ENOX1: variants seen among roughly 807,000 people sequenced by gnomAD.
ENOX1 encodes the protein ecto-NOX disulfide-thiol exchanger 1.
Under a neutral mutation model 82.5 loss-of-function variants are expected in ENOX1, and 42 were observed. That is an observed-to-expected ratio of 0.51 (90% CI 0.40 to 0.66). ENOX1 has a LOEUF of 0.66. Ranked by LOEUF, ENOX1 falls within the 30% of genes least tolerant of loss-of-function variation. ENOX1 has a pLI of 0.00. For synonymous variants in ENOX1, 271 were observed against 282.2 expected, an observed-to-expected ratio of 0.96 and a Z score of 0.40; for missense variants, 608 against 811.6, an observed-to-expected ratio of 0.75 and a Z score of 3.05.
At chr13:43,427,077 A>G (rs983122777) in intron 3 of ENOX1, among the ~76,000 whole-genome samples, 12 of 152,192 alleles carry the variant, frequency 7.9e-5, no homozygotes, top group Admixed American at 2.0e-4. Context: ...TCAATCTGAG[A>G]GTAAATATCA....
intron 14 of ENOX1, among the ~76,000 whole-genome samples, chr13:43,262,572 G>A (rs755477643): frequency 5.9e-5 from 9 of 152,144 alleles, no homozygotes; most frequent in Non-Finnish European, 1.3e-4. Flanking sequence ...TGTCACCTAC[G>A]TTGGAGTGCA....
chr13:43,471,882 G>T (rs1305422917), intron 3 of ENOX1, among the ~76,000 whole-genome samples: 1 of 151,762 alleles, frequency 6.6e-6, no homozygotes, highest in Non-Finnish European at 1.5e-5. Flanking sequence ...AATGGACAGA[G>T]GGATAGAATG....
At chr13:43,748,846 C>T (rs1418913448) in intron 1 of ENOX1, among the ~76,000 whole-genome samples, 1 of 152,052 alleles carries the variant, frequency 6.6e-6, no homozygotes, top group East Asian at 1.9e-4. Context: ...TTAAAGTATT[C>T]TATAATTAAA....
chr13:43,582,905 G>A (rs886858391), intron 2 of ENOX1, among the ~76,000 whole-genome samples: 2 of 152,062 alleles, frequency 1.3e-5, no homozygotes, highest in South Asian at 2.1e-4. Flanking sequence ...CCTACTTCCA[G>A]AAGAGAGAGA....
chr13:43,369,320 A>C (rs2051060430), intron 5 of ENOX1, among the ~76,000 whole-genome samples: 1 of 152,254 alleles, frequency 6.6e-6, no homozygotes, highest in East Asian at 1.9e-4. Flanking sequence ...TCTGAGGTCC[A>C]GGGTTATCCA....
At chr13:43,610,645 T>A (rs1035631847) in intron 2 of ENOX1, among the ~76,000 whole-genome samples, 1 of 152,296 alleles carries the variant, frequency 6.6e-6, no homozygotes, top group East Asian at 1.9e-4. Context: ...TAGTTATTCA[T>A]ATTCAGGAGG....
chr13:43,512,341 C>G (rs544220594), intron 2 of ENOX1, among the ~76,000 whole-genome samples: 1 of 152,120 alleles, frequency 6.6e-6, no homozygotes, highest in Non-Finnish European at 1.5e-5. Context: ...ATCCTGAGAA[C>G]AAAAGCTGGC....
chr13:43,644,218 T>C (rs2083791545), intron 2 of ENOX1, among the ~76,000 whole-genome samples: 1 of 152,214 alleles, frequency 6.6e-6, no homozygotes, highest in Non-Finnish European at 1.5e-5. Context: ...CTGTGGTCTT[T>C]CATACTTTCA....
At chr13:43,674,085 G>A (rs1464386640) in intron 1 of ENOX1, among the ~76,000 whole-genome samples, 1 of 152,162 alleles carries the variant, frequency 6.6e-6, no homozygotes, top group Non-Finnish European at 1.5e-5. Flanking sequence ...GACCAAACCA[G>A]GAGCAGAGTG....
chr13:43,330,087 G>A (rs1041094198), intron 9 of ENOX1, among the ~76,000 whole-genome samples: 2 of 152,166 alleles, frequency 1.3e-5, no homozygotes, highest in African/African-American at 4.8e-5. Flanking sequence ...CACCAGAGAG[G>A]AAGTCCATGA....
intron 5 of ENOX1, among the ~76,000 whole-genome samples, chr13:43,363,556 T>C (rs1323162): frequency 0.017 from 2,612 of 152,312 alleles, 91 homozygotes; most frequent in African/African-American, 0.059. Flanking sequence ...AAAGAAATAT[T>C]GGCAATGGGA....
chr13:43,678,071 T>C (rs897879752), intron 1 of ENOX1, among the ~76,000 whole-genome samples: 3 of 152,156 alleles, frequency 2.0e-5, no homozygotes, highest in African/African-American at 7.2e-5. Flanking sequence ...GCTATACAAA[T>C]GTGCATACAA....
chr13:43,583,916 C>T (rs996960450), intron 2 of ENOX1, among the ~76,000 whole-genome samples: 2 of 151,486 alleles, frequency 1.3e-5, no homozygotes, highest in East Asian at 1.9e-4. Context: ...AACATTTTGA[C>T]GCACGAGCAC....
At chr13:43,498,003 G>T (rs139405763) in intron 2 of ENOX1, among the ~76,000 whole-genome samples, 1 of 151,866 alleles carries the variant, frequency 6.6e-6, no homozygotes, top group Non-Finnish European at 1.5e-5. Context: ...AGATAAGTTT[G>T]TTTCTTATGG....
chr13:43,308,877 TCA>T (rs2047021204), intron 11 of ENOX1, among the ~76,000 whole-genome samples: 2 of 152,310 alleles, frequency 1.3e-5, no homozygotes, highest in South Asian at 4.1e-4. Context: ...TGTTTATTTC[TCA>T]CAGTCTTATT....
At chr13:43,684,856 C>T (rs1335042722) in intron 1 of ENOX1, among the ~76,000 whole-genome samples, 1 of 151,962 alleles carries the variant, frequency 6.6e-6, no homozygotes, top group Non-Finnish European at 1.5e-5. Flanking sequence ...TCCCTAATTA[C>T]AAAATAGGAA....
intron 7 of ENOX1, 43 bp from the exon 8 acceptor site, chr13:43,356,195 G>A: frequency 6.3e-7 from 1 of 1,588,530 alleles, no homozygotes; most frequent in Non-Finnish European, 8.6e-7. Context: ...ATGTAACAAT[G>A]GCCACAGTTT....
Position 43,436,078 on chromosome 13 carries a change from A to G in ENOX1, c.-74-23090T>C, listed in dbSNP as rs920972940. 3.3e-5 allele frequency among the ~76,000 whole-genome samples: 5 copies of G among 152,360 alleles called. No homozygotes were observed. The East Asian group carries it at 9.6e-4, about 29-fold the overall frequency. Reference sequence around the variant, plus strand: ...CATAGCTGCCTCTTTACTATTTTACATTTAAGTCAAGTTATTCAGATTATA... The same window carrying G: ...CATAGCTGCCTCTTTACTATTTTACGTTTAAGTCAAGTTATTCAGATTATA... On this transcript the variant is annotated intron_variant, in intron 3 of 16. Transcript: ENST00000690772.
intron 3 of ENOX1, among the ~76,000 whole-genome samples, chr13:43,466,428 C>T (rs1471701036): frequency 6.6e-6 from 1 of 151,972 alleles, no homozygotes; most frequent in Non-Finnish European, 1.5e-5. Context: ...ACAAAGATGT[C>T]CACTCTCACC....
Sources: allele counts gnomAD v4.1 joint callset (sites outside exome capture counted in the v4.1 genomes callset), GRCh38; gene constraint gnomAD v4.1.1; transcripts MANE v1.5; gene names NCBI Gene and HGNC (gene_info 2026-07-23, HGNC 2026-07-21).